Variants in SEMA4F observed in about 807,000 individuals in gnomAD.
The protein encoded by SEMA4F is semaphorin-4F.
A neutral mutation model predicts 78.4 loss-of-function variants in SEMA4F; 51 were observed. The observed-to-expected ratio is 0.65, with a 90% CI of 0.52 to 0.82. The LOEUF is 0.82. Ranked by LOEUF, SEMA4F falls within the 40% of genes least tolerant of loss-of-function variation. The pLI, the probability that SEMA4F is intolerant of heterozygous loss-of-function variation, is 0.00. For missense variants in SEMA4F, 938 were observed against 1,014.4 expected, an observed-to-expected ratio of 0.92 and a Z score of 1.02; for synonymous variants, 418 against 408.7, an observed-to-expected ratio of 1.02 and a Z score of -0.27.
chr2:74,705,478 A>C, the SEMA4F span, among the ~76,000 whole-genome samples: 2 of 152,270 alleles, frequency 1.3e-5, no homozygotes, highest in African/African-American at 4.8e-5. Context: ...TGAGAAATCT[A>C]TTTATGGTCA....
rs1685498218 is a variant in SEMA4F, at chr2:74,679,834, G to C, written c.1938G>C (p.Trp646Cys). 1.9e-6 allele frequency: 3 copies of C among 1,614,088 alleles called. No individual in the cohort carries two copies. Among genetic ancestry groups the C allele is most frequent in the African/African-American group, 2.7e-5 (2 of 74,946 alleles). ...AHVVAAYSLV[W>C]GSQRDAPSRA... ...TGGTAGCAGCTTACAGCTTGGTATG[G>C]GGCAGCCAGCGAGATGCTCCGAGCC... is the stretch of plus-strand genomic sequence containing the variant. Residue 646 changes from tryptophan (W) to cysteine (C), a missense_variant, in exon 14 of 14, where the codon TGG becomes TGC. Transcript: ENST00000357877.
chr2:74,690,921 G>A, the SEMA4F span, among the ~76,000 whole-genome samples: 1 of 152,078 alleles, frequency 6.6e-6, no homozygotes, highest in Admixed American at 6.5e-5. Context: ...CTGTAATTTA[G>A]ATCCATGATC....
chr2:74,679,236 A>C, intron 12 of SEMA4F, 40 bp from the exon 13 acceptor site: 4 of 1,448,914 alleles, frequency 2.8e-6, no homozygotes, highest in South Asian at 1.1e-5. Context: ...GTTGAAGGGA[A>C]TGTTCACACT....
At chr2:74,692,514 T>G in the SEMA4F span, among the ~76,000 whole-genome samples, 24 of 152,174 alleles carry the variant, frequency 1.6e-4, no homozygotes, top group South Asian at 6.2e-4. Context: ...GCCACAGGGA[T>G]CTCCAAATTC....
At chr2:74,662,620 G>A (rs1485673489) in intron 4 of SEMA4F, 112 bp from the exon 5 acceptor site, 1 of 849,978 alleles carries the variant, frequency 1.2e-6, no homozygotes. Context: ...GGTAGGGAGT[G>A]GAAGGGGAGA....
chr2:74,694,866 CT>C, the SEMA4F span, among the ~76,000 whole-genome samples: 130 of 152,280 alleles, frequency 8.5e-4, no homozygotes, highest in African/African-American at 2.8e-3. Flanking sequence ...TAGCCTGTTT[CT>C]TTTTAGTGCT....
Position 74,656,536 on chromosome 2 carries a change from G to T in SEMA4F, c.148G>T (p.Ala50Ser), listed in dbSNP as rs1437737728. 2 of 1,613,242 alleles carry T rather than the reference G, an allele frequency of 1.2e-6. No individual in the cohort carries two copies. The highest frequency in any genetic ancestry group is 1.7e-6 in the Non-Finnish European group (2 of 1,179,326). The change falls in exon 2 of 14, where the codon GCT becomes TCT. Residue 50 changes from alanine (A) to serine (S), a missense_variant and splice_region_variant. By Grantham distance (99) the Ala-to-Ser change is moderately conservative (BLOSUM62 1). Coordinates refer to ENST00000357877, the MANE Select transcript of SEMA4F (RefSeq NM_004263.5). ...VPRTSLPISE[A>S]DSCLTRFAVP... is the part of the protein sequence containing the mutation. ...TCACTCTCCTCTCTTCCTGCCAGAG[G>T]CTGACTCCTGTCTCACCCGGTTCGC...
chr2:74,693,760 A>T, the SEMA4F span, among the ~76,000 whole-genome samples: 1 of 152,160 alleles, frequency 6.6e-6, no homozygotes, highest in South Asian at 2.1e-4. Context: ...AAATCAAGGA[A>T]ATTGTCCTCT....
the SEMA4F span, among the ~76,000 whole-genome samples, chr2:74,707,946 AAAC>A: frequency 6.6e-6 from 1 of 152,144 alleles, no homozygotes; most frequent in African/African-American, 2.4e-5. Context: ...GTGTGTGAGG[AAAC>A]CATCTGCGAG....
intron 4 of SEMA4F, among the ~76,000 whole-genome samples, chr2:74,661,825 T>A (rs1684440205): frequency 1.3e-5 from 2 of 152,200 alleles, no homozygotes; most frequent in African/African-American, 4.8e-5. Context: ...TGGAAGTAAT[T>A]AGGCTCCAAT....
chr2:74,680,057 C>T lies in SEMA4F; in HGVS notation c.2161C>T (p.Pro721Ser). 6.2e-7 allele frequency: 1 copy of T among 1,614,144 alleles called. No individual in the cohort carries two copies. The highest frequency in any genetic ancestry group is 8.5e-7 in the Non-Finnish European group (1 of 1,179,970). ...CAGCCAAGACCCTCCCTCCCCCTCT[C>T]CTGAAGATGAGCGGTTGCCGCTGGC... ...SYSQDPPSPS[P>S]EDERLPLALA... The change falls in exon 14 of 14, where the codon CCT (proline) becomes TCT (serine). Residue 721 changes from proline (P) to serine (S), a missense_variant. Coordinates refer to ENST00000357877, the MANE Select transcript of SEMA4F (RefSeq NM_004263.5).
rs183645100 is a variant in SEMA4F at position 74,675,222 on chromosome 2, G to T, written c.1210G>T (p.Val404Leu). The change falls in exon 10 of 14, where the codon GTA becomes TTA. Residue 404 changes from valine to leucine, a missense_variant. Val to Leu is a conservative substitution (Grantham distance 32, BLOSUM62 1). Transcript: ENST00000357877. ...CTCATCTCTCTCCCTGCCTGACCGC[G>T]TACTCACCTTCATCCGGGACCACCC... ...FGSSLSLPDRVLTFIRDHPLM... is the reference protein window; with the variant it reads ...FGSSLSLPDRLLTFIRDHPLM... 6.2e-7 allele frequency: 1 copy of T among 1,614,032 alleles called. No individual in the cohort carries two copies. The highest frequency in any genetic ancestry group is 1.3e-5 in the African/African-American group (1 of 74,884).
intron 12 of SEMA4F, among the ~76,000 whole-genome samples, chr2:74,677,004 C>T (rs1009516586): frequency 2.0e-5 from 3 of 152,090 alleles, no homozygotes; most frequent in Non-Finnish European, 2.9e-5. Flanking sequence ...CTTATTCAAG[C>T]GATTCTCCTG....
intron 1 of SEMA4F, 46 bp from the exon 2 acceptor site, chr2:74,656,488 C>T (rs1166433542): frequency 1.9e-6 from 3 of 1,592,450 alleles, no homozygotes; most frequent in Non-Finnish European, 1.7e-6. Flanking sequence ...GTGGACTTGA[C>T]CCTTAGGAAG....
chr2:74,690,206 T>C, the SEMA4F span, among the ~76,000 whole-genome samples: 1 of 152,186 alleles, frequency 6.6e-6, no homozygotes, highest in African/African-American at 2.4e-5. Context: ...GTGTTCCCAG[T>C]GATCTTTGGC....
the SEMA4F span, among the ~76,000 whole-genome samples, chr2:74,697,643 C>T: frequency 2.0e-5 from 3 of 152,110 alleles, no homozygotes; most frequent in Non-Finnish European, 4.4e-5. Flanking sequence ...TGGGGAGGTG[C>T]AGATCATTCA....
At chr2:74,662,515 T>C (rs144485223) in intron 4 of SEMA4F, among the ~76,000 whole-genome samples, 8 of 152,074 alleles carry the variant, frequency 5.3e-5, no homozygotes, top group Admixed American at 5.2e-4. Flanking sequence ...GGAAGAGGAA[T>C]AAACTGATGA....
intron 4 of SEMA4F, among the ~76,000 whole-genome samples, chr2:74,660,741 T>C (rs1247169919): frequency 6.6e-6 from 1 of 152,232 alleles, no homozygotes; most frequent in Admixed American, 6.5e-5. Flanking sequence ...GAAACCTGGA[T>C]GATATGATGA....
chr2:74,687,432 C>G (rs541745298), downstream of SEMA4F, among the ~76,000 whole-genome samples: 1 of 152,210 alleles, frequency 6.6e-6, no homozygotes, highest in African/African-American at 2.4e-5. Flanking sequence ...TAATTATTTT[C>G]CTTCTTGTTA....
Sources: allele counts gnomAD v4.1 joint callset (sites outside exome capture counted in the v4.1 genomes callset), GRCh38; gene constraint gnomAD v4.1.1; transcripts MANE v1.5; gene names NCBI Gene and HGNC (gene_info 2026-07-23, HGNC 2026-07-21).